RPTOR: variants seen among roughly 807,000 people sequenced by gnomAD.
The protein encoded by RPTOR is regulatory-associated protein of mTOR.
In RPTOR, 21 loss-of-function variants were observed where a neutral mutation model predicts 169.9. The ratio of observed to expected loss-of-function variants is 0.12; its 90% CI spans 0.09 to 0.18. The LOEUF is 0.18. Ranked by LOEUF, RPTOR falls within the 10% of genes least tolerant of loss-of-function variation. The pLI, the probability that RPTOR is intolerant of heterozygous loss-of-function variation, is 1.00. For missense variants in RPTOR, 1,133 were observed against 1,855.9 expected, an observed-to-expected ratio of 0.61 and a Z score of 7.16; for synonymous variants, 732 against 753.2, an observed-to-expected ratio of 0.97 and a Z score of 0.46.
intron 3 of RPTOR, among the ~76,000 whole-genome samples, chr17:80,681,086 C>T (rs963463111): frequency 5.9e-5 from 9 of 152,074 alleles, no homozygotes; most frequent in Non-Finnish European, 1.2e-4. Context: ...AGGGGCCTGG[C>T]GCACTGGAGT....
intron 24 of RPTOR, among the ~76,000 whole-genome samples, chr17:80,931,541 G>A (rs1242701388): frequency 5.9e-5 from 9 of 152,182 alleles, no homozygotes; most frequent in African/African-American, 2.4e-5. Context: ...GTGTGGGCCC[G>A]CAGCAGGCTC....
At chr17:80,741,896 C>T (rs562539259) in intron 5 of RPTOR, among the ~76,000 whole-genome samples, 33 of 152,156 alleles carry the variant, frequency 2.2e-4, no homozygotes, top group Admixed American at 1.4e-3. Flanking sequence ...GAGAAGTAGC[C>T]AGGCAGTTGG....
Position 80,545,528 on chromosome 17 carries a change from G to GT in RPTOR, c.-97dup. ...TTATCCATTTGGTTTTCGATTTCCC[G>GT]TTTTTGTTTCTTATTTCACCAATTC... On this transcript the variant is annotated 5_prime_UTR_variant, in exon 1 of 34. Coordinates refer to ENST00000306801, the MANE Select transcript of RPTOR (RefSeq NM_020761.3). 3 of 937,714 alleles carry GT rather than the reference G, an allele frequency of 3.2e-6. No homozygotes were observed. The highest frequency in any genetic ancestry group is 3.2e-6 in the Non-Finnish European group (2 of 617,398). 58.1% of individuals were successfully genotyped at this position (937,714 alleles called of 1,614,324 possible). A position where few individuals can be genotyped will look rare whatever the true frequency, so the allele number is the denominator to read the frequency against.
chr17:80,702,943 T>C (rs561490380), intron 3 of RPTOR, among the ~76,000 whole-genome samples: 2 of 152,140 alleles, frequency 1.3e-5, no homozygotes, highest in Admixed American at 1.3e-4. Context: ...GCAGCAGTAA[T>C]GTAATAAGTG....
At position 80,651,788 on chromosome 17, in the gene RPTOR, C is replaced by T. The variant is rs1033682131; in HGVS notation, c.348+7978C>T. On this transcript the variant is annotated intron_variant, in intron 3 of 33. Coordinates refer to ENST00000306801, the MANE Select transcript of RPTOR (RefSeq NM_020761.3). The surrounding 1 kb of genome is among the most constrained non-coding windows in gnomAD (Gnocchi z 4.1). Reference sequence around the variant, plus strand: ...ATCCCAGCACTTTGGGAGGCCGAGGCGGGTGGATCGTGAGGTCAGGAGATC... The same window carrying T: ...ATCCCAGCACTTTGGGAGGCCGAGGTGGGTGGATCGTGAGGTCAGGAGATC... Among the ~76,000 whole-genome samples the T allele has an allele frequency of 5.9e-5, 9 of 151,888 alleles. No homozygotes were observed. In the South Asian group the frequency reaches 1.3e-3, roughly 21 times the overall value.
chr17:80,857,709 A>T, intron 12 of RPTOR, 81 bp from the exon 13 acceptor site: 1 of 885,292 alleles, frequency 1.1e-6, no homozygotes, highest in Non-Finnish European at 1.8e-6. Context: ...ATAGCACCGC[A>T]GCTGGTCCCG....
chr17:80,924,910 AGCTCCAGCCGGCCTGCAAAGCTGTGC>A (rs2068792617), intron 23 of RPTOR, among the ~76,000 whole-genome samples: 1 of 152,248 alleles, frequency 6.6e-6, no homozygotes, highest in East Asian at 1.9e-4. Context: ...AGTAGCTGGG[AGCTCCAGCCGGCCTGCAAAGCTGTGC>A]GCTCCGTCCA....
intron 17 of RPTOR, 112 bp downstream of exon 17, chr17:80,885,260 C>A: frequency 2.5e-6 from 3 of 1,193,536 alleles, no homozygotes; most frequent in Admixed American, 2.7e-5. Context: ...GTTTCCACTG[C>A]GTGTCATTGC....
intron 6 of RPTOR, chr17:80,774,229 C>T: frequency 1.0e-6 from 1 of 985,436 alleles, no homozygotes; most frequent in Non-Finnish European, 1.2e-6. Flanking sequence ...CGGTTCTCGA[C>T]AGCGCCCGTG....
intron 20 of RPTOR, among the ~76,000 whole-genome samples, chr17:80,896,519 C>T (rs1234028744): frequency 6.8e-6 from 1 of 147,628 alleles, no homozygotes; most frequent in African/African-American, 2.5e-5. Flanking sequence ...ACCGACACCC[C>T]GCATAGCCAC....
intron 10 of RPTOR, among the ~76,000 whole-genome samples, chr17:80,843,931 C>A (rs2067698133): frequency 6.6e-6 from 1 of 152,224 alleles, no homozygotes; most frequent in Admixed American, 6.5e-5. Context: ...AAACTCCTGG[C>A]ATCCAAATCG....
chr17:80,724,340 C>A (rs894404108), intron 4 of RPTOR, among the ~76,000 whole-genome samples: 1 of 151,094 alleles, frequency 6.6e-6, no homozygotes, highest in Non-Finnish European at 1.5e-5. Context: ...GCAACCCACC[C>A]CTTCCTCATG....
intron 7 of RPTOR, 55 bp downstream of exon 7, chr17:80,791,564 C>T (rs1357917974): frequency 6.7e-7 from 1 of 1,498,550 alleles, no homozygotes; most frequent in Non-Finnish European, 9.2e-7. Flanking sequence ...GTTTCTTTTC[C>T]TTTTTGAAGG....
Position 80,820,584 on chromosome 17 carries a change from C to T in RPTOR, c.891-1617C>T, listed in dbSNP as rs940180407. Among the ~76,000 whole-genome samples, 3 of 152,256 alleles carry T rather than the reference C, an allele frequency of 2.0e-5. No individual in the cohort carries two copies. The highest frequency in any genetic ancestry group is 1.9e-4 in the East Asian group (1 of 5,166). ...ATTCCTCCGTGGGGCCAAGCTCTGT[C>T]GTAGGTTGTTAGAGGGTGGGCACCT... On this transcript the variant is annotated intron_variant, in intron 7 of 33. Transcript: ENST00000306801. This position sits in a 1 kb window ranked among gnomAD's most constrained non-coding sequence, Gnocchi z 4.1.
chr17:80,840,787 A>C (rs1206064783), intron 10 of RPTOR, among the ~76,000 whole-genome samples: 1 of 116,162 alleles, frequency 8.6e-6, no homozygotes. Context: ...ACCGCAGCTC[A>C]CACTCACCGC....
chr17:80,923,871 C>T, intron 23 of RPTOR, 198 bp downstream of exon 23: 1 of 602,004 alleles, frequency 1.7e-6, no homozygotes, highest in Non-Finnish European at 2.9e-6. Context: ...TCTGCCTGCA[C>T]TCCTTAGGAG....
At chr17:80,853,253 C>T (rs759761125) in intron 11 of RPTOR, among the ~76,000 whole-genome samples, 1 of 152,178 alleles carries the variant, frequency 6.6e-6, no homozygotes, top group East Asian at 1.9e-4. Flanking sequence ...CTCAGTCATA[C>T]TGGTAGCCCG....
intron 29 of RPTOR, among the ~76,000 whole-genome samples, chr17:80,958,502 C>T (rs1297098482): frequency 1.3e-5 from 2 of 150,086 alleles, no homozygotes; most frequent in Non-Finnish European, 2.9e-5. Flanking sequence ...GCTCCGCCTC[C>T]TGGGTTCATG....
chr17:80,605,482 C>T (rs564736447), intron 1 of RPTOR, among the ~76,000 whole-genome samples: 1 of 152,192 alleles, frequency 6.6e-6, no homozygotes, highest in East Asian at 1.9e-4. Context: ...TTACTGTGTC[C>T]GTGATGAGTT....
Sources: gnomAD v4.1 joint callset for allele counts (sites outside exome capture counted in the v4.1 genomes callset) on GRCh38, gnomAD v4.1.1 for gene constraint, Gnocchi (gnomAD v3.1) non-coding constraint, MANE v1.5 for transcripts, NCBI Gene and HGNC (gene_info 2026-07-23, HGNC 2026-07-21) for gene names.